Variants in ATP6V1B1 observed in about 807,000 individuals in gnomAD.
ATP6V1B1 encodes the protein ATPase H+ transporting V1 subunit B1.
ATP6V1B1 carries 41 observed loss-of-function variants against 62.1 expected under a neutral mutation model. That is an observed-to-expected ratio of 0.66 (90% CI 0.51 to 0.86). The LOEUF (loss-of-function observed/expected upper bound fraction) is 0.86, where lower values mean the gene tolerates loss of function less well. Among genes scored for constraint, ATP6V1B1 ranks in the 40% least tolerant of loss-of-function variants. The pLI is 0.00. For synonymous variants in ATP6V1B1, 253 were observed against 273.4 expected, an observed-to-expected ratio of 0.93 and a Z score of 0.74; for missense variants, 651 against 697.5, an observed-to-expected ratio of 0.93 and a Z score of 0.75.
chr2:70,944,387 C>T (rs913344719), intron 2 of ATP6V1B1, among the ~76,000 whole-genome samples: 1 of 151,974 alleles, frequency 6.6e-6, no homozygotes, highest in African/African-American at 2.4e-5. Context: ...CTTATCCTCC[C>T]TCCACCAACC....
intron 1 of ATP6V1B1, among the ~76,000 whole-genome samples, chr2:70,942,858 T>C (rs1331552154): frequency 3.3e-5 from 5 of 152,212 alleles, no homozygotes; most frequent in Non-Finnish European, 7.3e-5. Flanking sequence ...GTCAGGACTA[T>C]GGGCAAGGGA....
chr2:70,957,530 G>A (rs1192302373), intron 2 of ATP6V1B1, among the ~76,000 whole-genome samples: 6 of 152,130 alleles, frequency 3.9e-5, no homozygotes, highest in Non-Finnish European at 7.3e-5. Context: ...AGCACTTTGC[G>A]AGTGTGTTTA....
chr2:70,955,083 TC>T (rs1407117821), intron 2 of ATP6V1B1, among the ~76,000 whole-genome samples: 2 of 152,168 alleles, frequency 1.3e-5, no homozygotes, highest in Non-Finnish European at 2.9e-5. Context: ...GCTCAGGGAT[TC>T]CCCGGGGCAA....
chr2:70,938,698 G>A lies in ATP6V1B1; in HGVS notation c.118+2626G>A, dbSNP rs533772430. 94 of 985,434 alleles carry A rather than the reference G, an allele frequency of 9.5e-5. No homozygotes were observed. The African/African-American group carries it at 1.5e-3, about 15-fold the overall frequency. The allele number at this position is 985,434 out of a possible 1,614,324, so 61.0% of individuals were successfully genotyped here. On this transcript the variant is annotated intron_variant, in intron 1 of 13. Transcript: ENST00000234396. ...GAAAGAAGGGTCCCCTGTGCCTCCC[G>A]TGGAGCTAGAATGGTTCCCCAAGGG...
intron 2 of ATP6V1B1, chr2:70,955,886 A>G (rs1553418969): frequency 6.4e-6 from 1 of 155,282 alleles, no homozygotes; most frequent in East Asian, 1.9e-4. Context: ...AGTTTATTAT[A>G]ATTTTTTTTT....
At position 70,964,502 on chromosome 2, in the gene ATP6V1B1, G is replaced by C. The variant is rs1553420694; in HGVS notation, c.1208G>C (p.Gly403Ala). The C allele has an allele frequency of 1.9e-6, 3 of 1,614,156 alleles. No individual in the cohort carries two copies. The Admixed American group carries it at 5.0e-5, about 27-fold the overall frequency. ...CTGATGAAGTCAGCCATTGGGGAAG[G>C]CATGACAAGAAAGGACCATGGAGAT... ...SRLMKSAIGE[G>A]MTRKDHGDVS... Residue 403 changes from glycine to alanine, a missense_variant, in exon 12 of 14, where the codon GGC becomes GCC. Physicochemically the swap from Gly to Ala is moderately conservative, Grantham distance 60. Transcript: ENST00000234396.
chr2:70,936,037 C>G lies in ATP6V1B1; in HGVS notation c.83C>G (p.Ala28Gly). 6.2e-7 allele frequency: 1 copy of G among 1,614,008 alleles called. No individual in the cohort carries two copies. The highest frequency in any genetic ancestry group is 8.5e-7 in the Non-Finnish European group (1 of 1,179,932). ...GGTGCAGCCCGAGAACACATGCAGG[C>G]GGTCACCCGAAACTACATCACCCAC... ...NLGAAREHMQ[A>G]VTRNYITHPR... is the part of the protein sequence containing the mutation. The change falls in exon 1 of 14, where the codon GCG becomes GGG. Residue 28 changes from alanine (A) to glycine (G), a missense_variant. Physicochemically the swap from Ala to Gly is moderately conservative, Grantham distance 60. Coordinates refer to ENST00000234396, the MANE Select transcript of ATP6V1B1 (RefSeq NM_001692.4).
At chr2:70,942,428 C>T (rs1345699262) in intron 1 of ATP6V1B1, 1 of 398,628 alleles carries the variant, frequency 2.5e-6, no homozygotes, top group Non-Finnish European at 4.4e-6. Context: ...CTTCCTAGTC[C>T]AAGTCCTGGT....
chr2:70,936,873 T>C lies in ATP6V1B1; in HGVS notation c.118+801T>C, dbSNP rs1355553879. ...TGTCTACAGGTGCTGGGATGTACCC[T>C]TGTCAATTTCAGAGGGGAGGCCCTA... is the stretch of plus-strand genomic sequence containing the variant. On this transcript the variant is annotated intron_variant, in intron 1 of 13. Transcript: ENST00000234396. 1.1e-4 allele frequency among the ~76,000 whole-genome samples: 17 copies of C among 152,150 alleles called. No individual in the cohort carries two copies. In the East Asian group the frequency reaches 2.7e-3, roughly 24 times the overall value.
At chr2:70,945,742 A>ATATATG (rs3982997) in intron 2 of ATP6V1B1, among the ~76,000 whole-genome samples, 4 of 126,516 alleles carry the variant, frequency 3.2e-5, no homozygotes, top group South Asian at 5.1e-4. Context: ...ATATATATAT[A>ATATATG]GTTGTTAACT....
At chr2:70,943,510 G>T (rs1313867373) in intron 1 of ATP6V1B1, 148 bp from the exon 2 acceptor site, 1 of 827,754 alleles carries the variant, frequency 1.2e-6, no homozygotes, top group African/African-American at 1.7e-5. Flanking sequence ...AGCAATGGTG[G>T]CTGGCCCTGT....
chr2:70,961,105 T>C, intron 7 of ATP6V1B1, 83 bp downstream of exon 7: 2 of 1,410,246 alleles, frequency 1.4e-6, no homozygotes, highest in Non-Finnish European at 2.0e-6. Flanking sequence ...TGACCTGATC[T>C]GATGGGGAAG....
chr2:70,960,029 G>A lies in ATP6V1B1; in HGVS notation c.536G>A (p.Arg179His), dbSNP rs373709589. Reference sequence around the variant, plus strand: ...ATTGACGTCATGAACAGCATTGCCCGCGGCCAGAAGATCCCCATCTTCTCA... The same window carrying A: ...ATTGACGTCATGAACAGCATTGCCCACGGCCAGAAGATCCCCATCTTCTCA... ...SPIDVMNSIA[R>H]GQKIPIFSAA... The change falls in exon 6 of 14, where the codon CGC becomes CAC. Residue 179 changes from arginine (R) to histidine (H), a missense_variant. Physicochemically the swap from Arg to His is conservative, Grantham distance 29 (BLOSUM62 0). Coordinates refer to ENST00000234396, the MANE Select transcript of ATP6V1B1 (RefSeq NM_001692.4). The A allele has an allele frequency of 2.2e-5, 35 of 1,614,098 alleles. No individual in the cohort carries two copies. The highest frequency in any genetic ancestry group is 4.0e-5 in the African/African-American group (3 of 74,928).
intron 1 of ATP6V1B1, among the ~76,000 whole-genome samples, chr2:70,942,848 G>C (rs17006555): frequency 0.024 from 3,696 of 152,322 alleles, 159 homozygotes; most frequent in African/African-American, 0.085. Context: ...AAGGGCACTG[G>C]TCAGGACTAT....
In ATP6V1B1 at chr2:70,965,195, C is replaced by G; in HGVS notation, c.*74C>G. Reference sequence around the variant, plus strand: ...TCCCGGGTCTCCCCTCCCTCGCCACCCCAACCAGCGGCTTCTGCGCCGCCC... The same window carrying G: ...TCCCGGGTCTCCCCTCCCTCGCCACGCCAACCAGCGGCTTCTGCGCCGCCC... On this transcript the variant is annotated 3_prime_UTR_variant, in exon 14 of 14. Coordinates refer to ENST00000234396, the MANE Select transcript of ATP6V1B1 (RefSeq NM_001692.4). The G allele has an allele frequency of 6.3e-7, 1 of 1,583,338 alleles. No homozygotes were observed.
At position 70,958,880 on chromosome 2, in the gene ATP6V1B1, C is replaced by A. The variant is rs998820909; in HGVS notation, c.368-138C>A. On this transcript the variant is annotated intron_variant, in intron 4 of 13. Transcript: ENST00000234396. ...CCTTGTAGCTGGCTCTCTGGGTTAC[C>A]TGTGGGCTGCCGGGGAGGGGGATAC... 1.3e-4 allele frequency: 107 copies of A among 812,078 alleles called. No homozygotes were observed. In the East Asian group the frequency reaches 2.6e-3, roughly 19 times the overall value. The allele number at this position is 812,078 out of a possible 1,614,324, so 50.3% of individuals were successfully genotyped here. A position where few individuals can be genotyped will look rare whatever the true frequency, so the allele number is the denominator to read the frequency against.
In ATP6V1B1 at chr2:70,943,571, GA is replaced by G. The variant is rs1553416761; in HGVS notation, c.119-86del. On this transcript the variant is annotated intron_variant, in intron 1 of 13. Coordinates refer to ENST00000234396, the MANE Select transcript of ATP6V1B1 (RefSeq NM_001692.4). ...GGCTGGGAAGGAGGTGGGGTGTGGA[GA>G]GAGGAAGGGAAGGCAGAGGATGCCT... 16 of 1,367,730 alleles carry G rather than the reference GA, an allele frequency of 1.2e-5. No homozygotes were observed. The African/African-American group carries it at 2.8e-4, about 24-fold the overall frequency. 84.7% of individuals were successfully genotyped at this position (1,367,730 alleles called of 1,614,324 possible).
At chr2:70,948,070 G>T (rs1476013194) in intron 2 of ATP6V1B1, among the ~76,000 whole-genome samples, 1 of 152,128 alleles carries the variant, frequency 6.6e-6, no homozygotes, top group African/African-American at 2.4e-5. Context: ...CCATGCCTGA[G>T]TGTGAAAACC....
intron 1 of ATP6V1B1, chr2:70,938,514 CTT>C: frequency 1.0e-6 from 1 of 983,372 alleles, no homozygotes; most frequent in Middle Eastern, 5.2e-4. Context: ...GTCCAGGTGA[CTT>C]AGGCATTCCC....
Sources: gnomAD v4.1 joint callset for allele counts (sites outside exome capture counted in the v4.1 genomes callset) on GRCh38, gnomAD v4.1.1 for gene constraint, MANE v1.5 for transcripts, NCBI Gene and HGNC (gene_info 2026-07-23, HGNC 2026-07-21) for gene names.